RREB1: variants seen among roughly 807,000 people sequenced by gnomAD.
The protein encoded by RREB1 is ras-responsive element-binding protein 1.
In RREB1, 27 loss-of-function variants were observed where a neutral mutation model predicts 117.8. The ratio of observed to expected loss-of-function variants is 0.23; its 90% CI spans 0.17 to 0.32. RREB1 has a LOEUF of 0.32. Among genes scored for constraint, RREB1 ranks in the 10% least tolerant of loss-of-function variants. The pLI is 1.00. For synonymous variants in RREB1, 1,298 were observed against 1,026.7 expected, an observed-to-expected ratio of 1.26 and a Z score of -5.05; for missense variants, 2,577 against 2,378.2, an observed-to-expected ratio of 1.08 and a Z score of -1.74.
intron 6 of RREB1, among the ~76,000 whole-genome samples, chr6:7,200,242 A>ATGTGTG (rs762239284): frequency 2.6e-4 from 27 of 104,446 alleles, no homozygotes; most frequent in Admixed American, 8.1e-4. Flanking sequence ...GTATGTGTGT[A>ATGTGTG]TATGTGTGTG....
In RREB1 at chr6:7,231,714, G is replaced by A; in HGVS notation, c.3615G>A (p.Gln1205=). The A allele has an allele frequency of 1.2e-5, 20 of 1,613,666 alleles. No homozygotes were observed. Among genetic ancestry groups the A allele is most frequent in the Non-Finnish European group, 1.7e-5 (20 of 1,179,934 alleles). ...PFLQTAEDNT[Q]DEVAGAPADH... Reference sequence around the variant, plus strand: ...TGCAGACAGCGGAGGACAACACTCAGGATGAGGTGGCCGGAGCCCCTGCCG... The same window carrying A: ...TGCAGACAGCGGAGGACAACACTCAAGATGAGGTGGCCGGAGCCCCTGCCG... Residue 1205 remains glutamine, a synonymous_variant, in exon 10 of 13, where the codon CAG becomes CAA. Transcript: ENST00000379938.
chr6:7,138,976 G>A (rs990738221), intron 1 of RREB1, among the ~76,000 whole-genome samples: 1 of 152,116 alleles, frequency 6.6e-6, no homozygotes, highest in African/African-American at 2.4e-5. Flanking sequence ...TTTTGTGTAT[G>A]GTTTCTAGCC....
chr6:7,117,211 G>A (rs1761439228), intron 1 of RREB1, among the ~76,000 whole-genome samples: 1 of 151,966 alleles, frequency 6.6e-6, no homozygotes, highest in South Asian at 2.1e-4. Flanking sequence ...TTTTAAGGGA[G>A]CTCCCTTTAT....
At chr6:7,117,927 A>C (rs1189774143) in intron 1 of RREB1, among the ~76,000 whole-genome samples, 1 of 152,072 alleles carries the variant, frequency 6.6e-6, no homozygotes, top group African/African-American at 2.4e-5. Flanking sequence ...TAGTGTGTGG[A>C]AGTTCTTGGT....
intron 2 of RREB1, among the ~76,000 whole-genome samples, chr6:7,178,019 G>A (rs901959709): frequency 1.3e-5 from 2 of 152,064 alleles, no homozygotes; most frequent in African/African-American, 4.8e-5. Flanking sequence ...CACTGTGCCC[G>A]GCCCCGGCTG....
chr6:7,195,729 G>GAATT (rs1765631814), intron 6 of RREB1, among the ~76,000 whole-genome samples: 2 of 152,292 alleles, frequency 1.3e-5, no homozygotes, highest in Admixed American at 6.5e-5. Flanking sequence ...GGGGTCTCCA[G>GAATT]AGCCGATGCT....
chr6:7,228,202 G>T (rs1767698257), intron 9 of RREB1, among the ~76,000 whole-genome samples: 2 of 152,036 alleles, frequency 1.3e-5, no homozygotes, highest in Non-Finnish European at 2.9e-5. Context: ...CCATGTGTGT[G>T]CACCCCCCAG....
chr6:7,174,332 C>G (rs1423646163), intron 1 of RREB1, among the ~76,000 whole-genome samples: 2 of 152,060 alleles, frequency 1.3e-5, no homozygotes, highest in Non-Finnish European at 2.9e-5. Flanking sequence ...TCTCAATATT[C>G]AAATCATTTA....
intron 11 of RREB1, among the ~76,000 whole-genome samples, chr6:7,243,941 G>A (rs564972766): frequency 6.6e-6 from 1 of 152,174 alleles, no homozygotes; most frequent in South Asian, 2.1e-4. Flanking sequence ...GGGACAAAGG[G>A]GAAGTAACCA....
At chr6:7,109,052 A>C (rs1467993719) in intron 1 of RREB1, among the ~76,000 whole-genome samples, 1 of 150,484 alleles carries the variant, frequency 6.6e-6, no homozygotes, top group African/African-American at 2.5e-5. Flanking sequence ...CGGCGCCGTC[A>C]CGAGCACAGG....
intron 1 of RREB1, among the ~76,000 whole-genome samples, chr6:7,141,712 T>C (rs542046717): frequency 3.3e-5 from 5 of 152,324 alleles, no homozygotes; most frequent in African/African-American, 1.2e-4. Context: ...ATCTAGAAAA[T>C]GCTCCTTTAA....
chr6:7,158,556 C>G (rs1458940112), intron 1 of RREB1, among the ~76,000 whole-genome samples: 2 of 152,164 alleles, frequency 1.3e-5, no homozygotes, highest in Non-Finnish European at 2.9e-5. Context: ...TCCCTCCAGC[C>G]TCCACCTCCA....
At chr6:7,129,182 G>A (rs1465354398) in intron 1 of RREB1, among the ~76,000 whole-genome samples, 4 of 152,182 alleles carry the variant, frequency 2.6e-5, no homozygotes, top group South Asian at 2.1e-4. Context: ...ACAGAAGCTC[G>A]CAGGAGTGGG....
intron 6 of RREB1, among the ~76,000 whole-genome samples, chr6:7,196,208 T>G (rs1483080961): frequency 1.4e-5 from 2 of 144,410 alleles, no homozygotes; most frequent in Non-Finnish European, 3.0e-5. Context: ...GTTTTTTGGT[T>G]TTTTTTTTCG....
At chr6:7,212,422 T>C (rs1025135231) in intron 8 of RREB1, 1 of 152,252 alleles carries the variant, frequency 6.6e-6, no homozygotes, top group Non-Finnish European at 1.5e-5. Flanking sequence ...CTTTACCTTC[T>C]CTGATAACTC....
chr6:7,118,733 T>C (rs1761523523), intron 1 of RREB1, among the ~76,000 whole-genome samples: 1 of 151,942 alleles, frequency 6.6e-6, no homozygotes, highest in African/African-American at 2.4e-5. Context: ...CAGTATGAGA[T>C]TTAGCGTCCT....
At chr6:7,127,451 C>T (rs149566507) in intron 1 of RREB1, among the ~76,000 whole-genome samples, 62 of 152,148 alleles carry the variant, frequency 4.1e-4, no homozygotes, top group African/African-American at 1.4e-3. Flanking sequence ...AAGGTGGGAA[C>T]ATTTATTTTC....
intron 1 of RREB1, among the ~76,000 whole-genome samples, chr6:7,174,419 C>G (rs9505061): frequency 0.2 from 30,320 of 151,930 alleles, 3,746 homozygotes; most frequent in African/African-American, 0.35. Context: ...CCATCCTCTC[C>G]TTGCTGTCCT....
intron 1 of RREB1, among the ~76,000 whole-genome samples, chr6:7,147,474 A>G (rs1056513402): frequency 5.9e-5 from 9 of 151,920 alleles, no homozygotes; most frequent in African/African-American, 2.2e-4. Flanking sequence ...TGAGGAAAAG[A>G]TGGTTTCCGT....
Sources: gnomAD v4.1 joint callset for allele counts (sites outside exome capture counted in the v4.1 genomes callset) on GRCh38, gnomAD v4.1.1 for gene constraint, MANE v1.5 for transcripts, NCBI Gene and HGNC (gene_info 2026-07-23, HGNC 2026-07-21) for gene names.